Variants in PTPRD observed in about 807,000 individuals in gnomAD.
PTPRD encodes the protein protein tyrosine phosphatase receptor type D.
Under a neutral mutation model 214.5 loss-of-function variants are expected in PTPRD, and 34 were observed. That is an observed-to-expected ratio of 0.16 (90% CI 0.12 to 0.21). The LOEUF (loss-of-function observed/expected upper bound fraction) is 0.21. Among genes scored for constraint, PTPRD ranks in the 10% least tolerant of loss-of-function variants. PTPRD has a pLI of 1.00. For missense variants in PTPRD, 2,545 were observed against 2,398.7 expected, an observed-to-expected ratio of 1.06 and a Z score of -1.27; for synonymous variants, 1,128 against 845.7, an observed-to-expected ratio of 1.33 and a Z score of -5.79.
chr9:9,705,572 A>G (rs1036669804), intron 7 of PTPRD, among the ~76,000 whole-genome samples: 5 of 152,248 alleles, frequency 3.3e-5, no homozygotes, highest in Non-Finnish European at 7.4e-5. Flanking sequence ...CCATGATCTT[A>G]GAAGCATATA....
chr9:9,484,674 G>A (rs753870051), intron 8 of PTPRD, among the ~76,000 whole-genome samples: 18 of 151,978 alleles, frequency 1.2e-4, no homozygotes, highest in Non-Finnish European at 2.2e-4. Context: ...CTGTTATTGG[G>A]CCCATTTTTA....
chr9:9,724,363 C>T (rs768540382), intron 7 of PTPRD, among the ~76,000 whole-genome samples: 31 of 152,158 alleles, frequency 2.0e-4, no homozygotes, highest in Non-Finnish European at 3.5e-4. Flanking sequence ...TCTCTCAAAG[C>T]TCAACTCAAT....
At chr9:9,352,686 C>T (rs1026313805) in intron 9 of PTPRD, among the ~76,000 whole-genome samples, 4 of 151,760 alleles carry the variant, frequency 2.6e-5, no homozygotes, top group Non-Finnish European at 5.9e-5. Flanking sequence ...GTAAGCATGA[C>T]GAATTAATGA....
chr9:9,316,210 C>T (rs1288494968), intron 9 of PTPRD, among the ~76,000 whole-genome samples: 1 of 151,912 alleles, frequency 6.6e-6, no homozygotes, highest in African/African-American at 2.4e-5. Context: ...AAGCATGATT[C>T]TCCACCCCTA....
intron 3 of PTPRD, among the ~76,000 whole-genome samples, chr9:10,133,186 G>A (rs779465488): frequency 6.6e-6 from 1 of 152,110 alleles, no homozygotes. Context: ...CAGATTTTGG[G>A]GATGGAGATC....
chr9:9,655,839 G>A (rs1457898062), intron 7 of PTPRD, among the ~76,000 whole-genome samples: 7 of 151,924 alleles, frequency 4.6e-5, no homozygotes, highest in African/African-American at 9.7e-5. Context: ...TTAGCTGGGC[G>A]TGGTGGGAGG....
chr9:9,191,441 G>A (rs928502698), intron 9 of PTPRD, among the ~76,000 whole-genome samples: 2 of 152,104 alleles, frequency 1.3e-5, no homozygotes, highest in South Asian at 2.1e-4. Context: ...GAGGCACCCC[G>A]CTAATGCAGC....
intron 8 of PTPRD, among the ~76,000 whole-genome samples, chr9:9,492,937 C>A (rs1193379379): frequency 6.8e-6 from 1 of 146,276 alleles, no homozygotes; most frequent in African/African-American, 2.6e-5. Flanking sequence ...GCACCATGAA[C>A]CCAACCCATA....
At chr9:9,554,187 T>A (rs542392143) in intron 8 of PTPRD, among the ~76,000 whole-genome samples, 74 of 152,156 alleles carry the variant, frequency 4.9e-4, no homozygotes, top group African/African-American at 1.8e-3. Context: ...GTATGAAATA[T>A]GGAAAACACT....
At chr9:9,073,043 AAT>A (rs1202736215) in intron 10 of PTPRD, among the ~76,000 whole-genome samples, 5 of 152,204 alleles carry the variant, frequency 3.3e-5, no homozygotes, top group Non-Finnish European at 5.9e-5. Flanking sequence ...GCTTTTCAAT[AAT>A]ATAATGGTGA....
At chr9:9,003,941 A>C (rs953928246) in intron 11 of PTPRD, among the ~76,000 whole-genome samples, 2 of 152,060 alleles carry the variant, frequency 1.3e-5, no homozygotes, top group African/African-American at 4.8e-5. Context: ...TCTTAGTCTT[A>C]TGGCCATTGC....
chr9:8,827,732 T>C (rs1256837463), intron 11 of PTPRD, among the ~76,000 whole-genome samples: 2 of 152,218 alleles, frequency 1.3e-5, no homozygotes, highest in African/African-American at 4.8e-5. Flanking sequence ...ATAGGGTATT[T>C]ATCATGTCTC....
intron 8 of PTPRD, among the ~76,000 whole-genome samples, chr9:9,561,124 G>A (rs77127788): frequency 0.13 from 19,993 of 152,042 alleles, 1,760 homozygotes; most frequent in Middle Eastern, 0.18. Flanking sequence ...AGCCAATGAT[G>A]GCCTTCCTAT....
At chr9:8,857,156 C>T (rs2097934378) in intron 11 of PTPRD, among the ~76,000 whole-genome samples, 1 of 152,266 alleles carries the variant, frequency 6.6e-6, no homozygotes, top group Non-Finnish European at 1.5e-5. Context: ...TTGATTCCTG[C>T]TATTTCTCCT....
chr9:8,733,891 C>T lies in PTPRD; in HGVS notation c.-48G>A. The T allele has an allele frequency of 6.5e-7, 1 of 1,535,522 alleles. No homozygotes were observed. The highest frequency in any genetic ancestry group is 1.2e-5 in the South Asian group (1 of 83,780). On this transcript the variant is annotated 5_prime_UTR_variant, in exon 12 of 46. Transcript: ENST00000381196. Reference sequence around the variant, plus strand: ...CGCGAGCAGCTTGGAATCACTGCCTCCGGAGCCGCAGCGAGTCTGTCCGAT... The same window carrying T: ...CGCGAGCAGCTTGGAATCACTGCCTTCGGAGCCGCAGCGAGTCTGTCCGAT...
At chr9:9,282,664 G>T (rs1228357791) in intron 9 of PTPRD, among the ~76,000 whole-genome samples, 2 of 151,388 alleles carry the variant, frequency 1.3e-5, no homozygotes, top group African/African-American at 2.4e-5. Flanking sequence ...CATTTTGACT[G>T]AACTAACTTA....
At chr9:8,801,127 G>C (rs1271656462) in intron 11 of PTPRD, among the ~76,000 whole-genome samples, 4 of 152,142 alleles carry the variant, frequency 2.6e-5, no homozygotes, top group African/African-American at 9.7e-5. Context: ...TCTTGCTGGA[G>C]TCACAAGATC....
At chr9:10,305,834 T>G (rs2096048220) in intron 3 of PTPRD, among the ~76,000 whole-genome samples, 2 of 152,058 alleles carry the variant, frequency 1.3e-5, no homozygotes, top group South Asian at 4.2e-4. Context: ...GGAGTTTAAA[T>G]TAGTACAACC....
chr9:8,792,871 T>C (rs1054560378), intron 11 of PTPRD, among the ~76,000 whole-genome samples: 1 of 152,154 alleles, frequency 6.6e-6, no homozygotes, highest in African/African-American at 2.4e-5. Context: ...TGCTAAAAAG[T>C]AATATGATTC....
Sources: allele counts gnomAD v4.1 joint callset (sites outside exome capture counted in the v4.1 genomes callset), GRCh38; gene constraint gnomAD v4.1.1; transcripts MANE v1.5; gene names NCBI Gene and HGNC (gene_info 2026-07-23, HGNC 2026-07-21).